INSIG2: variants seen among roughly 807,000 people sequenced by gnomAD.
INSIG2 encodes the protein insulin-induced gene 2 protein.
In INSIG2, 10 loss-of-function variants were observed where a neutral mutation model predicts 27.2. That is an observed-to-expected ratio of 0.37 (90% CI 0.23 to 0.62). The LOEUF (loss-of-function observed/expected upper bound fraction) is 0.62, where lower values mean the gene tolerates loss of function less well. INSIG2 is among the 20% of genes least tolerant of loss of function. The pLI is 0.65. For synonymous variants in INSIG2, 97 were observed against 95.8 expected (o/e 1.01, Z -0.07); for missense variants, 178 against 270.2 (o/e 0.66, Z 2.39).
intron 2 of INSIG2, among the ~76,000 whole-genome samples, chr2:118,100,945 A>G (rs1260723093): frequency 6.6e-6 from 1 of 152,060 alleles, no homozygotes; most frequent in Non-Finnish European, 1.5e-5. Context: ...GCTTTGGTAG[A>G]CTGTAACTAG....
intron 2 of INSIG2, among the ~76,000 whole-genome samples, chr2:118,100,946 C>CTG (rs1214232917): frequency 2.0e-5 from 3 of 152,032 alleles, no homozygotes; most frequent in Non-Finnish European, 4.4e-5. Context: ...CTTTGGTAGA[C>CTG]TGTAACTAGT....
chr2:118,098,599 G>C (rs1678467395), intron 2 of INSIG2, among the ~76,000 whole-genome samples: 1 of 152,188 alleles, frequency 6.6e-6, no homozygotes, highest in Admixed American at 6.5e-5. Flanking sequence ...GGCGTGTGTT[G>C]TGCATTTGGG....
intron 3 of INSIG2, among the ~76,000 whole-genome samples, chr2:118,104,391 G>A (rs1443436676): frequency 3.3e-5 from 5 of 152,196 alleles, no homozygotes; most frequent in Non-Finnish European, 7.3e-5. Flanking sequence ...GCACAGTTGT[G>A]CTGGCTGTTG....
chr2:118,092,398 T>C (rs770413819), intron 1 of INSIG2, among the ~76,000 whole-genome samples: 8 of 152,240 alleles, frequency 5.3e-5, no homozygotes, highest in Non-Finnish European at 1.0e-4. Context: ...ACATTTATTC[T>C]CATCATCTTT....
chr2:118,105,181 C>T (rs1282050002), intron 3 of INSIG2, among the ~76,000 whole-genome samples: 2 of 152,118 alleles, frequency 1.3e-5, no homozygotes, highest in South Asian at 2.1e-4. Flanking sequence ...GCTGGGACTA[C>T]AGGCACCTGC....
In INSIG2 at chr2:118,108,468, A is replaced by G; in HGVS notation, c.*146A>G. 1.8e-6 allele frequency: 1 copy of G among 555,774 alleles called. No homozygotes were observed. Among genetic ancestry groups the G allele is most frequent in the Non-Finnish European group, 3.2e-6 (1 of 309,428 alleles). The allele number at this position is 555,774 out of a possible 1,614,324, so 34.4% of individuals were successfully genotyped here. Reference sequence around the variant, plus strand: ...TGTGTGTATATATGGATAAATATATATATACACACACACATATTACTGCAA... The same window carrying G: ...TGTGTGTATATATGGATAAATATATGTATACACACACACATATTACTGCAA... On this transcript the variant is annotated 3_prime_UTR_variant, in exon 6 of 6. Coordinates refer to ENST00000245787, the MANE Select transcript of INSIG2 (RefSeq NM_016133.4).
intron 1 of INSIG2, among the ~76,000 whole-genome samples, chr2:118,092,269 GA>G (rs1262222299): frequency 1.3e-5 from 2 of 152,150 alleles, no homozygotes. Context: ...GGGATCTGGG[GA>G]AGTAAAGAGT....
Position 118,092,292 on chromosome 2 carries a change from C to G in INSIG2, c.-139+3751C>G, listed in dbSNP as rs145820181. Among the ~76,000 whole-genome samples, 568 of 152,218 alleles carry G rather than the reference C, an allele frequency of 3.7e-3. 5 individuals are homozygous for G. The highest frequency in any genetic ancestry group is 0.013 in the African/African-American group (549 of 41,532). ...GGGAAGTAAAGAGTCAACTAATGTT[C>G]TTATACAGAGTGTTAGTTTGCTATT... On this transcript the variant is annotated intron_variant, in intron 1 of 5. Transcript: ENST00000245787.
At chr2:118,102,878 TGAATCATTTAGTAGCAC>T (rs1193051476) in intron 2 of INSIG2, among the ~76,000 whole-genome samples, 1 of 151,284 alleles carries the variant, frequency 6.6e-6, no homozygotes, top group Non-Finnish European at 1.5e-5. Context: ...AAAAGTAGCA[TGAATCATTTAGTAGCAC>T]GAATCATTTA....
At chr2:118,103,500 G>A (rs913420404) in intron 3 of INSIG2, among the ~76,000 whole-genome samples, 179 bp downstream of exon 3, 25 of 152,136 alleles carry the variant, frequency 1.6e-4, no homozygotes, top group Admixed American at 1.5e-3. Context: ...ATAAAGTGGG[G>A]TATAGCCTTT....
chr2:118,088,826 G>C (rs1382242701), intron 1 of INSIG2, among the ~76,000 whole-genome samples: 1 of 152,168 alleles, frequency 6.6e-6, no homozygotes, highest in Non-Finnish European at 1.5e-5. Flanking sequence ...CGGGAAGAAG[G>C]CTGGAGGACG....
chr2:118,107,254 G>C, intron 5 of INSIG2, 65 bp downstream of exon 5: 1 of 1,104,944 alleles, frequency 9.1e-7, no homozygotes, highest in Non-Finnish European at 1.4e-6. Flanking sequence ...CTAAAAGGCA[G>C]TCCTTTAAGG....
At chr2:118,097,075 G>A (rs912146748) in intron 2 of INSIG2, among the ~76,000 whole-genome samples, 20 of 151,978 alleles carry the variant, frequency 1.3e-4, no homozygotes, top group African/African-American at 4.8e-4. Context: ...CCAGCCTCAG[G>A]CTACCACTGA....
Position 118,096,773 on chromosome 2 carries a change from G to A in INSIG2, c.217G>A (p.Val73Ile). 1 of 1,613,552 alleles carries A rather than the reference G, an allele frequency of 6.2e-7. No individual in the cohort carries two copies. The highest frequency in any genetic ancestry group is 8.5e-7 in the Non-Finnish European group (1 of 1,180,010). Residue 73 changes from valine (V) to isoleucine (I), a missense_variant, in exon 2 of 6, where the codon GTA becomes ATA. Transcript: ENST00000245787. The stretch of plus-strand genomic sequence containing the variant: ...AAGCATCTTTTCTTCTGCATGGTGG[G>A]TACCCCCATGCTGTGGCACGGCTTC... ...IASIFSSAWW[V>I]PPCCGTASAV...
intron 1 of INSIG2, among the ~76,000 whole-genome samples, chr2:118,089,848 TATCTC>T (rs1420110488): frequency 4.6e-5 from 7 of 152,236 alleles, no homozygotes; most frequent in Admixed American, 3.9e-4. Context: ...CTCAGAAACT[TATCTC>T]GAAACGATGG....
At chr2:118,100,618 T>C (rs1678521553) in intron 2 of INSIG2, among the ~76,000 whole-genome samples, 1 of 152,008 alleles carries the variant, frequency 6.6e-6, no homozygotes, top group Admixed American at 6.5e-5. Context: ...GACCTCGCGA[T>C]TCGCCTGCCT....
At chr2:118,089,813 A>G (rs1027680617) in intron 1 of INSIG2, among the ~76,000 whole-genome samples, 1 of 152,230 alleles carries the variant, frequency 6.6e-6, no homozygotes, top group Non-Finnish European at 1.5e-5. Context: ...AATGCAGTTC[A>G]GTAGTTTAAA....
At position 118,103,183 on chromosome 2, in the gene INSIG2, T is replaced by A; in HGVS notation, c.245-14T>A. The A allele has an allele frequency of 6.2e-7, 1 of 1,611,350 alleles. No individual in the cohort carries two copies. The highest frequency in any genetic ancestry group is 8.5e-7 in the Non-Finnish European group (1 of 1,178,690). On this transcript the variant is annotated splice_polypyrimidine_tract_variant and intron_variant, in intron 2 of 5. Transcript: ENST00000245787. Reference sequence around the variant, plus strand: ...CATTGGAGGTAACTTAATTTTTTTCTTTTTTCCCTACAGCTGTGATTGGGT... The same window carrying A: ...CATTGGAGGTAACTTAATTTTTTTCATTTTTCCCTACAGCTGTGATTGGGT...
chr2:118,110,034 GTC>G lies in INSIG2; in HGVS notation c.*1714_*1715del, dbSNP rs1205625955. 2 of 152,534 alleles carry G rather than the reference GTC, an allele frequency of 1.3e-5. No homozygotes were observed. The highest frequency in any genetic ancestry group is 2.9e-5 in the Non-Finnish European group (2 of 68,038). 9.4% of individuals were successfully genotyped at this position (152,534 alleles called of 1,614,324 possible). ...TATGTAATTATCATCTGGGTTAAGA[GTC>G]TGTTTTTCTTCTTTGTGGTAAGTCT... On this transcript the variant is annotated 3_prime_UTR_variant, in exon 6 of 6. Coordinates refer to ENST00000245787, the MANE Select transcript of INSIG2 (RefSeq NM_016133.4).
Sources: gnomAD v4.1 joint callset for allele counts (sites outside exome capture counted in the v4.1 genomes callset) on GRCh38, gnomAD v4.1.1 for gene constraint, MANE v1.5 for transcripts, NCBI Gene and HGNC (gene_info 2026-07-23, HGNC 2026-07-21) for gene names.